KIF21A: variants seen among roughly 807,000 people sequenced by gnomAD.
KIF21A encodes kinesin family member 21A.
A neutral mutation model predicts 202.9 loss-of-function variants in KIF21A; 114 were observed. The observed-to-expected ratio is 0.56, with a 90% CI of 0.48 to 0.66. The LOEUF is 0.66. KIF21A is among the 30% of genes least tolerant of loss of function. The pLI is 0.00. For synonymous variants in KIF21A, 667 were observed against 670.8 expected (o/e 0.99, Z 0.09); for missense variants, 1,677 against 1,994.9 (o/e 0.84, Z 3.04).
Position 39,363,224 on chromosome 12 carries a change from G to A in KIF21A, c.904-11C>T. The A allele has an allele frequency of 6.6e-7, 1 of 1,509,008 alleles. No individual in the cohort carries two copies. The highest frequency in any genetic ancestry group is 9.2e-7 in the Non-Finnish European group (1 of 1,085,318). 93.5% of individuals were successfully genotyped at this position (1,509,008 alleles called of 1,614,324 possible). The stretch of plus-strand genomic sequence containing the variant: ...ATTGCCAAGTGCCAACTAAAAGAAA[G>A]AGAAAGAAAGACAGCAAAATGATAC... On this transcript the variant is annotated splice_polypyrimidine_tract_variant and intron_variant, in intron 6 of 37. Coordinates refer to ENST00000361418, the MANE Select transcript of KIF21A (RefSeq NM_001173464.2).
At chr12:39,388,421 T>G (rs369912329) in intron 1 of KIF21A, among the ~76,000 whole-genome samples, 1 of 152,172 alleles carries the variant, frequency 6.6e-6, no homozygotes, top group South Asian at 2.1e-4. Context: ...CATACATTAC[T>G]CATCTTCAGG....
rs902785167 is a variant in KIF21A at position 39,330,173 on chromosome 12, C to T, written c.3340+69G>A. 8 of 1,401,118 alleles carry T rather than the reference C, an allele frequency of 5.7e-6. No homozygotes were observed. In the South Asian group the frequency reaches 8.1e-5, roughly 14 times the overall value. The allele number at this position is 1,401,118 out of a possible 1,614,324, so 86.8% of individuals were successfully genotyped here. A position where few individuals can be genotyped will look rare whatever the true frequency, so the allele number is the denominator to read the frequency against. ...AAAATCTTTAAAATAAGATGTACCACAATTAGTGTACATGAACAATTAGTA... is the reference window on the plus strand; with the variant it reads ...AAAATCTTTAAAATAAGATGTACCATAATTAGTGTACATGAACAATTAGTA... On this transcript the variant is annotated intron_variant, in intron 24 of 37. Transcript: ENST00000361418.
At chr12:39,429,367 A>T (rs1955007872) in intron 1 of KIF21A, among the ~76,000 whole-genome samples, 2 of 152,216 alleles carry the variant, frequency 1.3e-5, no homozygotes, top group African/African-American at 4.8e-5. Flanking sequence ...CAAGATATCC[A>T]TTCTATCATA....
At chr12:39,382,882 T>A (rs1018678776) in intron 1 of KIF21A, among the ~76,000 whole-genome samples, 3 of 152,252 alleles carry the variant, frequency 2.0e-5, no homozygotes, top group Non-Finnish European at 4.4e-5. Flanking sequence ...ACCTTTTTTT[T>A]ACAGATTGTT....
At chr12:39,427,204 G>C (rs1193221855) in intron 1 of KIF21A, among the ~76,000 whole-genome samples, 1 of 152,176 alleles carries the variant, frequency 6.6e-6, no homozygotes, top group African/African-American at 2.4e-5. Flanking sequence ...GAATGGATCT[G>C]AGCTGAAATA....
intron 1 of KIF21A, among the ~76,000 whole-genome samples, chr12:39,414,238 C>G (rs1450250865): frequency 2.0e-5 from 3 of 152,082 alleles, no homozygotes; most frequent in Non-Finnish European, 4.4e-5. Flanking sequence ...ATGTTTTACC[C>G]AATTGTCCTT....
intron 1 of KIF21A, among the ~76,000 whole-genome samples, chr12:39,419,611 T>C (rs1954073634): frequency 6.6e-6 from 1 of 152,142 alleles, no homozygotes; most frequent in African/African-American, 2.4e-5. Context: ...CTAGACACAG[T>C]CTCACATGAC....
intron 28 of KIF21A, among the ~76,000 whole-genome samples, chr12:39,318,408 A>G (rs1438933943): frequency 6.6e-6 from 1 of 152,216 alleles, no homozygotes; most frequent in Non-Finnish European, 1.5e-5. Flanking sequence ...AGATGGCACT[A>G]AAGAGAAGAT....
chr12:39,436,490 G>C (rs1375811088), intron 1 of KIF21A, among the ~76,000 whole-genome samples: 1 of 134,170 alleles, frequency 7.5e-6, no homozygotes, highest in Non-Finnish European at 1.6e-5. Context: ...ACCCAGGCTG[G>C]AGTGCTGTGG....
At chr12:39,370,351 CT>C in intron 1 of KIF21A, 90 bp from the exon 2 acceptor site, 1 of 934,012 alleles carries the variant, frequency 1.1e-6, no homozygotes, top group Non-Finnish European at 1.7e-6. Flanking sequence ...TTGGCCAAAT[CT>C]TTTTTAAAAC....
In KIF21A at chr12:39,346,488, C is replaced by T. The variant is rs1947903943; in HGVS notation, c.1690G>A (p.Glu564Lys). Residue 564 changes from glutamate to lysine, a missense_variant, in exon 12 of 38, where the codon GAA becomes AAA. Coordinates refer to ENST00000361418, the MANE Select transcript of KIF21A (RefSeq NM_001173464.2). ...RKKKRLQKLEESNREERSVAG... is the reference protein window; with the variant it reads ...RKKKRLQKLEKSNREERSVAG... ...AACCTTCTTTCTTCTCGATTGCTTTCCTCAAGTTTCTGTAGCCTTCAAAAT... is the reference window on the plus strand; with the variant it reads ...AACCTTCTTTCTTCTCGATTGCTTTTCTCAAGTTTCTGTAGCCTTCAAAAT... 2 of 1,479,076 alleles carry T rather than the reference C, an allele frequency of 1.4e-6. No homozygotes were observed. The highest frequency in any genetic ancestry group is 1.8e-6 in the Non-Finnish European group (2 of 1,117,908). The allele number at this position is 1,479,076 out of a possible 1,614,324, so 91.6% of individuals were successfully genotyped here. A position where few individuals can be genotyped will look rare whatever the true frequency, so the allele number is the denominator to read the frequency against.
chr12:39,372,272 T>C (rs751664142), intron 1 of KIF21A, among the ~76,000 whole-genome samples: 11 of 152,194 alleles, frequency 7.2e-5, no homozygotes, highest in Admixed American at 1.3e-4. Context: ...GTAAATAATA[T>C]GTCAAGTAAA....
chr12:39,385,410 C>T (rs1431130454), intron 1 of KIF21A, among the ~76,000 whole-genome samples: 1 of 152,182 alleles, frequency 6.6e-6, no homozygotes, highest in Non-Finnish European at 1.5e-5. Context: ...ATAAGCCCAA[C>T]TACCCAAATT....
intron 1 of KIF21A, among the ~76,000 whole-genome samples, chr12:39,437,631 T>C (rs1938998835): frequency 6.6e-6 from 1 of 152,214 alleles, no homozygotes; most frequent in African/African-American, 2.4e-5. Context: ...CTAACAATTA[T>C]CTTTCATTTC....
intron 1 of KIF21A, among the ~76,000 whole-genome samples, chr12:39,427,604 T>C (rs529624974): frequency 6.6e-6 from 1 of 152,330 alleles, no homozygotes; most frequent in African/African-American, 2.4e-5. Context: ...AATAAACATA[T>C]TTGATAGTCC....
In KIF21A at chr12:39,309,713, C is replaced by T. The variant is rs775777214; in HGVS notation, c.4150G>A (p.Gly1384Arg). ...GACACGACATTGTTGGGATGACCCC[C>T]CAGTGACATTATTTCCTGCCCAGTC... is the stretch of plus-strand genomic sequence containing the variant. ...LVTGQEIMSL[G>R]GHPNNVVSVK... Residue 1384 changes from glycine (G) to arginine (R), a missense_variant, in exon 33 of 38, where the codon GGG (glycine) becomes AGG (arginine). Gly to Arg is a moderately radical substitution (Grantham distance 125, BLOSUM62 -2). Transcript: ENST00000361418. 7 of 1,613,244 alleles carry T rather than the reference C, an allele frequency of 4.3e-6. No homozygotes were observed. Among genetic ancestry groups the T allele is most frequent in the Non-Finnish European group, 5.1e-6 (6 of 1,179,706 alleles).
intron 31 of KIF21A, 124 bp downstream of exon 31, chr12:39,315,105 A>G: frequency 1.1e-6 from 1 of 907,530 alleles, no homozygotes; most frequent in Non-Finnish European, 1.8e-6. Context: ...AATATGGCAA[A>G]TTTGTACAAC....
chr12:39,358,653 G>A (rs1948977253), intron 7 of KIF21A, among the ~76,000 whole-genome samples: 1 of 152,182 alleles, frequency 6.6e-6, no homozygotes, highest in Admixed American at 6.5e-5. Context: ...AGTGCACACA[G>A]TAATTCTAAA....
At chr12:39,429,445 T>C (rs1161439971) in intron 1 of KIF21A, among the ~76,000 whole-genome samples, 1 of 152,176 alleles carries the variant, frequency 6.6e-6, no homozygotes, top group Non-Finnish European at 1.5e-5. Context: ...AAATGCACTA[T>C]TATCATCCCT....
Sources: gnomAD v4.1 joint callset for allele counts (sites outside exome capture counted in the v4.1 genomes callset) on GRCh38, gnomAD v4.1.1 for gene constraint, MANE v1.5 for transcripts, NCBI Gene and HGNC (gene_info 2026-07-23, HGNC 2026-07-21) for gene names.